Variants in USP2 observed in about 807,000 individuals in gnomAD.
The protein encoded by USP2 is ubiquitin carboxyl-terminal hydrolase 2.
In USP2, 33 loss-of-function variants were observed where a neutral mutation model predicts 72.0. The observed-to-expected ratio is 0.46, with a 90% CI of 0.35 to 0.61. USP2 has a LOEUF of 0.61. Among genes scored for constraint, USP2 ranks in the 20% least tolerant of loss-of-function variants. The pLI is 0.01. For missense variants in USP2, 691 were observed against 797.8 expected, an observed-to-expected ratio of 0.87 and a Z score of 1.61; for synonymous variants, 296 against 312.5, an observed-to-expected ratio of 0.95 and a Z score of 0.56.
chr11:119,362,053 C>T (rs968325613), intron 2 of USP2, among the ~76,000 whole-genome samples: 4 of 152,202 alleles, frequency 2.6e-5, no homozygotes, highest in Non-Finnish European at 2.9e-5. Context: ...CTATTTTTGG[C>T]AGTGCTTTAT....
intron 2 of USP2, among the ~76,000 whole-genome samples, chr11:119,372,263 G>C (rs1333010374): frequency 6.6e-6 from 1 of 152,200 alleles, no homozygotes; most frequent in Non-Finnish European, 1.5e-5. Flanking sequence ...CAGGCCTTGG[G>C]GCTAGGGAAT....
intron 12 of USP2, 25 bp downstream of exon 12, chr11:119,357,162 G>T (rs1424902977): frequency 3.7e-6 from 6 of 1,612,076 alleles, no homozygotes; most frequent in East Asian, 4.5e-5. Context: ...ACAGCCAGGG[G>T]CTCCGGCCCT....
intron 2 of USP2, among the ~76,000 whole-genome samples, chr11:119,371,672 T>C (rs1950928629): frequency 6.6e-6 from 1 of 152,332 alleles, no homozygotes; most frequent in Middle Eastern, 3.4e-3. Flanking sequence ...TGCTGTGGCA[T>C]GCTGTTGTTT....
chr11:119,373,717 G>T (rs902907047), intron 1 of USP2, among the ~76,000 whole-genome samples, 196 bp from the exon 2 acceptor site: 1 of 152,202 alleles, frequency 6.6e-6, no homozygotes, highest in African/African-American at 2.4e-5. Flanking sequence ...TCACACCTCG[G>T]TGAGAGTGCG....
intron 1 of USP2, among the ~76,000 whole-genome samples, chr11:119,381,113 G>C (rs749552118): frequency 2.0e-5 from 3 of 152,130 alleles, no homozygotes; most frequent in Non-Finnish European, 4.4e-5. Flanking sequence ...CAAACTGACC[G>C]GGGAGCTTTA....
chr11:119,357,099 G>C, intron 12 of USP2, 88 bp downstream of exon 12: 1 of 1,239,416 alleles, frequency 8.1e-7, no homozygotes. Context: ...CGGGGGGTGG[G>C]AGGGGGGTGG....
chr11:119,357,322 G>T lies in USP2; in HGVS notation c.1610-15C>A. 6.2e-7 allele frequency: 1 copy of T among 1,612,702 alleles called. No homozygotes were observed. The highest frequency in any genetic ancestry group is 8.5e-7 in the Non-Finnish European group (1 of 1,179,668). On this transcript the variant is annotated splice_polypyrimidine_tract_variant and intron_variant, in intron 11 of 12. Transcript: ENST00000260187. ...AACAGCATGGTCTGAGGAGGAGGCA[G>T]CCGTCAAGCCCCCGAGGCCCCCCTG... is the stretch of plus-strand genomic sequence containing the variant.
rs1034724517 is a variant in USP2 at position 119,356,747 on chromosome 11, T to C, written c.*88A>G. 4 of 1,182,642 alleles carry C rather than the reference T, an allele frequency of 3.4e-6. No homozygotes were observed. The highest frequency in any genetic ancestry group is 3.5e-6 in the Non-Finnish European group (3 of 855,862). The allele number at this position is 1,182,642 out of a possible 1,614,324, so 73.3% of individuals were successfully genotyped here. A position where few individuals can be genotyped will look rare whatever the true frequency, so the allele number is the denominator to read the frequency against. ...GTTTTTCTCTTGTCAGGTTTGTGTG[T>C]TGTTGTTGTTGTTTTGTTTTTGTCT... On this transcript the variant is annotated 3_prime_UTR_variant, in exon 13 of 13. Coordinates refer to ENST00000260187, the MANE Select transcript of USP2 (RefSeq NM_004205.5).
At chr11:119,375,324 G>A (rs1187487287) in intron 1 of USP2, among the ~76,000 whole-genome samples, 3 of 152,216 alleles carry the variant, frequency 2.0e-5, no homozygotes, top group Non-Finnish European at 2.9e-5. Context: ...ATATAGGCCC[G>A]GAACAGCATT....
chr11:119,367,509 T>C (rs965999242), intron 2 of USP2, among the ~76,000 whole-genome samples: 2 of 152,114 alleles, frequency 1.3e-5, no homozygotes, highest in Non-Finnish European at 2.9e-5. Flanking sequence ...GGTGGCCTGA[T>C]TGATTGATGG....
At chr11:119,364,050 C>T in intron 2 of USP2, 5 of 1,050,968 alleles carry the variant, frequency 4.8e-6, no homozygotes, top group Non-Finnish European at 5.7e-6. Flanking sequence ...AGCGGGGGCG[C>T]GGGGGGAGTC....
chr11:119,361,880 G>A (rs1186136984), intron 2 of USP2, among the ~76,000 whole-genome samples: 1 of 152,140 alleles, frequency 6.6e-6, no homozygotes, highest in African/African-American at 2.4e-5. Context: ...ATCTGAATCT[G>A]ACTTACTGAC....
chr11:119,368,349 G>C (rs1591327488), intron 2 of USP2, among the ~76,000 whole-genome samples: 2 of 152,364 alleles, frequency 1.3e-5, no homozygotes, highest in East Asian at 3.9e-4. Context: ...AGGGATACAG[G>C]CCAGTGTGGC....
chr11:119,356,993 C>G, intron 12 of USP2, 71 bp from the exon 13 acceptor site: 1 of 1,520,028 alleles, frequency 6.6e-7, no homozygotes, highest in Non-Finnish European at 8.9e-7. Context: ...TCTTTCTGTG[C>G]CCCCGAGGCC....
intron 2 of USP2, among the ~76,000 whole-genome samples, chr11:119,361,066 C>T (rs1333363162): frequency 6.6e-6 from 1 of 152,180 alleles, no homozygotes; most frequent in Non-Finnish European, 1.5e-5. Flanking sequence ...GTAAGCCTGC[C>T]ATTCTGAATT....
intron 2 of USP2, among the ~76,000 whole-genome samples, chr11:119,368,145 G>A (rs1366883594): frequency 6.6e-6 from 1 of 152,156 alleles, no homozygotes; most frequent in Non-Finnish European, 1.5e-5. Flanking sequence ...CCTTTCCTTC[G>A]CAGCAGCTAG....
intron 1 of USP2, among the ~76,000 whole-genome samples, chr11:119,375,038 CTG>C (rs2135410020): frequency 6.6e-6 from 1 of 152,328 alleles, no homozygotes; most frequent in East Asian, 1.9e-4. Flanking sequence ...CTCTGAAGGT[CTG>C]TGATAATATC....
intron 1 of USP2, among the ~76,000 whole-genome samples, chr11:119,375,768 G>A (rs1950992929): frequency 6.6e-6 from 1 of 152,124 alleles, no homozygotes; most frequent in Non-Finnish European, 1.5e-5. Context: ...CCACAGTAAG[G>A]CTCTCAGGGA....
chr11:119,365,382 A>C (rs957556197), intron 2 of USP2, among the ~76,000 whole-genome samples: 16 of 152,240 alleles, frequency 1.1e-4, no homozygotes, highest in Admixed American at 9.2e-4. Flanking sequence ...CCTGTGTGCC[A>C]GCAGTGTGGT....
Sources: allele counts gnomAD v4.1 joint callset (sites outside exome capture counted in the v4.1 genomes callset), GRCh38; gene constraint gnomAD v4.1.1; transcripts MANE v1.5; gene names NCBI Gene and HGNC (gene_info 2026-07-23, HGNC 2026-07-21).